Variants in CACNB4 observed in about 807,000 individuals in gnomAD.
The protein encoded by CACNB4 is calcium voltage-gated channel auxiliary subunit beta 4.
CACNB4 carries 32 observed loss-of-function variants against 71.2 expected under a neutral mutation model. The ratio of observed to expected loss-of-function variants is 0.45; its 90% CI spans 0.34 to 0.60. The LOEUF (loss-of-function observed/expected upper bound fraction) is 0.60, where lower values mean the gene tolerates loss of function less well. CACNB4 is among the 20% of genes least tolerant of loss of function. The probability of loss-of-function intolerance (pLI) is 0.01; values close to 1 mark genes in which losing one functional copy is unlikely to be tolerated. For missense variants in CACNB4, 464 were observed against 647.9 expected (o/e 0.72, Z 3.08); for synonymous variants, 231 against 236.9 (o/e 0.97, Z 0.23).
rs369886827 is a variant in CACNB4, at chr2:152,022,598, G to A, written c.147+75732C>T. 5.3e-5 allele frequency among the ~76,000 whole-genome samples: 8 copies of A among 152,250 alleles called. No homozygotes were observed. In the East Asian group the frequency reaches 1.2e-3, roughly 22 times the overall value. The stretch of plus-strand genomic sequence containing the variant: ...TCTATTTTTAAAATATGCTTGATTT[G>A]CATATACGAAAGCATGGGCTTTATT... On this transcript the variant is annotated intron_variant, in intron 2 of 13. Transcript: ENST00000539935.
chr2:151,952,650 C>A (rs896177504), intron 2 of CACNB4, among the ~76,000 whole-genome samples: 2 of 152,232 alleles, frequency 1.3e-5, no homozygotes, highest in African/African-American at 4.8e-5. Flanking sequence ...AGCAGCTAGT[C>A]CAGAACTTAA....
chr2:151,955,479 T>A (rs2099868020), intron 2 of CACNB4, among the ~76,000 whole-genome samples: 1 of 152,240 alleles, frequency 6.6e-6, no homozygotes, highest in East Asian at 1.9e-4. Context: ...ACACATGAAA[T>A]GGTGAAGAAG....
rs562421706 is a variant in CACNB4, at chr2:151,974,502, C to G, written c.148-91132G>C. ...GCAAGAAAAGAGCTCTGTGTCCCAA[C>G]TGGTGAAGTTTGAAAAGGAAGCCAA... On this transcript the variant is annotated intron_variant, in intron 2 of 13. Coordinates refer to ENST00000539935, the MANE Select transcript of CACNB4 (RefSeq NM_000726.5). Among the ~76,000 whole-genome samples the G allele has an allele frequency of 2.6e-5, 4 of 152,322 alleles. No individual in the cohort carries two copies. In the East Asian group the frequency reaches 7.7e-4, roughly 29 times the overall value.
intron 12 of CACNB4, among the ~76,000 whole-genome samples, chr2:151,848,349 A>G (rs2099838151): frequency 6.6e-6 from 1 of 152,214 alleles, no homozygotes; most frequent in Non-Finnish European, 1.5e-5. Flanking sequence ...TTCAAAAGCA[A>G]TGTTAGGAAT....
At chr2:151,943,388 G>C (rs1346204478) in intron 2 of CACNB4, among the ~76,000 whole-genome samples, 2 of 152,170 alleles carry the variant, frequency 1.3e-5, no homozygotes, top group African/African-American at 4.8e-5. Context: ...ATTTAGGGTT[G>C]ACCATGACAC....
chr2:152,037,825 G>T (rs750316233), intron 2 of CACNB4, among the ~76,000 whole-genome samples: 1 of 152,196 alleles, frequency 6.6e-6, no homozygotes, highest in South Asian at 2.1e-4. Flanking sequence ...GGGAGCCACC[G>T]TGAGCCAAGA....
chr2:152,024,057 C>T (rs1393237369), intron 2 of CACNB4, among the ~76,000 whole-genome samples: 1 of 152,198 alleles, frequency 6.6e-6, no homozygotes, highest in Non-Finnish European at 1.5e-5. Flanking sequence ...CAGTGGCTCA[C>T]GCCTGCAAGC....
chr2:152,078,260 C>A (rs1240058863), intron 2 of CACNB4, among the ~76,000 whole-genome samples: 1 of 152,138 alleles, frequency 6.6e-6, no homozygotes, highest in Non-Finnish European at 1.5e-5. Context: ...CCTGGAGATG[C>A]CTCTAGAACT....
At chr2:151,964,359 T>C (rs537189377) in intron 2 of CACNB4, among the ~76,000 whole-genome samples, 1 of 152,344 alleles carries the variant, frequency 6.6e-6, no homozygotes, top group East Asian at 1.9e-4. Flanking sequence ...TTTTTCTAAA[T>C]ATTCCTGTTT....
intron 2 of CACNB4, among the ~76,000 whole-genome samples, chr2:152,041,912 G>A (rs1017355579): frequency 2.0e-5 from 3 of 152,206 alleles, no homozygotes; most frequent in African/African-American, 7.2e-5. Context: ...ACAGGGCAGA[G>A]CCTCTGTCCT....
intron 2 of CACNB4, among the ~76,000 whole-genome samples, chr2:152,023,430 A>C (rs1683785512): frequency 3.7e-5 from 1 of 27,134 alleles, no homozygotes. Flanking sequence ...CGTAAAAGTG[A>C]GAGGTGCTTT....
intron 2 of CACNB4, among the ~76,000 whole-genome samples, chr2:152,017,462 T>C (rs2139420): frequency 0.99 from 148,255 of 150,362 alleles, 73,172 homozygotes; most frequent in Middle Eastern, 1. Flanking sequence ...AATCCCAGCA[T>C]TTTGGGAGGC....
chr2:151,875,467 A>G (rs1200358343), intron 5 of CACNB4, among the ~76,000 whole-genome samples: 1 of 151,526 alleles, frequency 6.6e-6, no homozygotes, highest in African/African-American at 2.4e-5. Context: ...ATTCCACAAA[A>G]CCGCCATCGT....
chr2:151,973,798 C>T, intron 2 of CACNB4: 5 of 1,553,330 alleles, frequency 3.2e-6, no homozygotes, highest in Non-Finnish European at 4.4e-6. Context: ...AGAGAAAAGG[C>T]CTGTTTGGGA....
chr2:151,986,257 T>A (rs1439068160), intron 2 of CACNB4, among the ~76,000 whole-genome samples: 1 of 152,186 alleles, frequency 6.6e-6, no homozygotes, highest in Non-Finnish European at 1.5e-5. Flanking sequence ...AAAAAAGTAA[T>A]CTAAACACTG....
At chr2:151,898,397 G>A (rs969859802) in intron 2 of CACNB4, among the ~76,000 whole-genome samples, 1 of 152,124 alleles carries the variant, frequency 6.6e-6, no homozygotes, top group African/African-American at 2.4e-5. Flanking sequence ...ACCTCTGCTA[G>A]CTGACCCACA....
intron 2 of CACNB4, among the ~76,000 whole-genome samples, chr2:152,059,837 A>ACATGTCTAGG (rs1279969737): frequency 3.3e-5 from 5 of 152,220 alleles, no homozygotes; most frequent in African/African-American, 1.2e-4. Flanking sequence ...TGCAATCCAC[A>ACATGTCTAGG]CATGTCTAGG....
intron 2 of CACNB4, among the ~76,000 whole-genome samples, chr2:152,018,074 C>T (rs1683448018): frequency 6.6e-6 from 1 of 152,058 alleles, no homozygotes; most frequent in Non-Finnish European, 1.5e-5. Context: ...CTCAGGTGAT[C>T]CACCCGCTTC....
chr2:151,976,114 G>A (rs965907395), intron 2 of CACNB4, among the ~76,000 whole-genome samples: 2 of 152,222 alleles, frequency 1.3e-5, no homozygotes, highest in Admixed American at 1.3e-4. Context: ...AGGGATGTTA[G>A]CAGGGAGGCA....
Sources: allele counts gnomAD v4.1 joint callset (sites outside exome capture counted in the v4.1 genomes callset), GRCh38; gene constraint gnomAD v4.1.1; transcripts MANE v1.5; gene names NCBI Gene and HGNC (gene_info 2026-07-23, HGNC 2026-07-21).